CNBD1: variants seen among roughly 807,000 people sequenced by gnomAD.
CNBD1 encodes cyclic nucleotide-binding domain-containing protein 1.
In CNBD1, 71 loss-of-function variants were observed where a neutral mutation model predicts 54.4. The observed-to-expected ratio is 1.30, with a 90% confidence interval of 1.08 to 1.59. The LOEUF (loss-of-function observed/expected upper bound fraction) is 1.59. CNBD1 is among the 40% of genes most tolerant of loss of function. The probability of loss-of-function intolerance (pLI) is 0.00; values close to 1 mark genes in which losing one functional copy is unlikely to be tolerated. For synonymous variants in CNBD1, 182 were observed against 170.7 expected (o/e 1.07, Z -0.51); for missense variants, 659 against 518.0 (o/e 1.27, Z -2.64).
chr8:87,273,515 A>C (rs1236452575), intron 6 of CNBD1, among the ~76,000 whole-genome samples: 2 of 151,982 alleles, frequency 1.3e-5, no homozygotes, highest in African/African-American at 4.8e-5. Flanking sequence ...TCCACTTGAG[A>C]TTCAATTCAT....
intron 4 of CNBD1, among the ~76,000 whole-genome samples, chr8:87,037,506 A>G (rs1015029235): frequency 5.3e-5 from 8 of 152,070 alleles, no homozygotes; most frequent in African/African-American, 1.7e-4. Context: ...AATTGATTAT[A>G]TGATTTTTTC....
intron 4 of CNBD1, among the ~76,000 whole-genome samples, chr8:87,017,340 C>G (rs1350795078): frequency 3.3e-5 from 5 of 152,132 alleles, no homozygotes; most frequent in Non-Finnish European, 7.3e-5. Flanking sequence ...TGTAAATCTG[C>G]TCATGTAAAT....
chr8:87,408,864 A>C (rs1807694192), intron 2 of CNBD1, among the ~76,000 whole-genome samples: 1 of 152,128 alleles, frequency 6.6e-6, no homozygotes, highest in Non-Finnish European at 1.5e-5. Flanking sequence ...CTGCATCCAT[A>C]TAAGACTGCA....
At chr8:87,116,195 C>CTTTTTTTTTTTTT (rs71556428) in intron 4 of CNBD1, among the ~76,000 whole-genome samples, 5 of 74,534 alleles carry the variant, frequency 6.7e-5, no homozygotes, top group Non-Finnish European at 7.2e-5. Flanking sequence ...ATTCTCATGT[C>CTTTTTTTTTTTTT]TTTTTTTTTT....
At chr8:86,957,632 A>G (rs1332946389) in intron 4 of CNBD1, among the ~76,000 whole-genome samples, 1 of 152,164 alleles carries the variant, frequency 6.6e-6, no homozygotes, top group Non-Finnish European at 1.5e-5. Context: ...TGTTTATAGT[A>G]TTCTCTGATG....
intron 8 of CNBD1, among the ~76,000 whole-genome samples, chr8:87,330,557 G>A (rs959455422): frequency 5.9e-5 from 9 of 151,890 alleles, no homozygotes; most frequent in Non-Finnish European, 8.8e-5. Flanking sequence ...GTTGTTTAGC[G>A]GTGTGTTGTT....
At chr8:87,297,842 C>A (rs898648038) in intron 8 of CNBD1, among the ~76,000 whole-genome samples, 1 of 151,830 alleles carries the variant, frequency 6.6e-6, no homozygotes, top group Non-Finnish European at 1.5e-5. Context: ...TATCTTAGAT[C>A]TTAATCTTTA....
intron 6 of CNBD1, among the ~76,000 whole-genome samples, chr8:87,257,816 A>T (rs1283955849): frequency 6.6e-6 from 1 of 152,156 alleles, no homozygotes; most frequent in African/African-American, 2.4e-5. Flanking sequence ...TTTAACATGA[A>T]TATCTGGAAA....
Position 87,085,224 on chromosome 8 carries a change from T to C in CNBD1, c.432-120769T>C, listed in dbSNP as rs561892368. 1.1e-4 allele frequency among the ~76,000 whole-genome samples: 16 copies of C among 152,318 alleles called. No homozygotes were observed. In the South Asian group the frequency reaches 3.3e-3, roughly 32 times the overall value. On this transcript the variant is annotated intron_variant, in intron 4 of 10. Transcript: ENST00000518476. The stretch of plus-strand genomic sequence containing the variant: ...AAGGCATTCTTCTTATCTGTTACCA[T>C]GCTTTTTATTTCTATAATCACTGCA...
chr8:87,334,940 G>A (rs1243708576), intron 8 of CNBD1, among the ~76,000 whole-genome samples: 1 of 151,750 alleles, frequency 6.6e-6, no homozygotes, highest in Non-Finnish European at 1.5e-5. Context: ...TGGCCAGGAT[G>A]GTCTCAGTCT....
intron 4 of CNBD1, among the ~76,000 whole-genome samples, chr8:86,958,404 G>T (rs990579851): frequency 2.0e-5 from 3 of 152,070 alleles, no homozygotes; most frequent in Admixed American, 6.6e-5. Context: ...CTGTCTTGTT[G>T]TCTGTTTAAT....
At position 87,418,976 on chromosome 8, in the gene CNBD1, A is replaced by G. The variant is rs115110141; in HGVS notation, c.214-9570A>G. ...GTATACACTAAAGAGAATTGAAAAC[A>G]TATGTCTGCACAAAAACTTTTACAT... On this transcript the variant is annotated intron_variant, in intron 2 of 7. Coordinates refer to the CNBD1 transcript ENST00000521593. 7.2e-3 allele frequency among the ~76,000 whole-genome samples: 1,093 copies of G among 152,054 alleles called. 12 individuals are homozygous for G. The highest frequency in any genetic ancestry group is 0.025 in the African/African-American group (1,030 of 41,530).
chr8:87,158,684 C>T (rs964545390), intron 4 of CNBD1, among the ~76,000 whole-genome samples: 20 of 152,088 alleles, frequency 1.3e-4, no homozygotes, highest in Non-Finnish European at 1.5e-5. Context: ...TGTCTGTGGT[C>T]TTACAGCAAA....
chr8:87,145,019 C>T (rs1452071055), intron 4 of CNBD1, among the ~76,000 whole-genome samples: 1 of 151,822 alleles, frequency 6.6e-6, no homozygotes, highest in Non-Finnish European at 1.5e-5. Context: ...TTCTAGAGGA[C>T]AGAATAAAGA....
chr8:86,963,849 A>G (rs565564649), intron 4 of CNBD1, among the ~76,000 whole-genome samples: 1 of 152,264 alleles, frequency 6.6e-6, no homozygotes, highest in South Asian at 2.1e-4. Flanking sequence ...GAACCCTGGG[A>G]CCAGTCAGTC....
At chr8:87,088,649 T>C (rs1811148134) in intron 4 of CNBD1, among the ~76,000 whole-genome samples, 1 of 152,148 alleles carries the variant, frequency 6.6e-6, no homozygotes, top group South Asian at 2.1e-4. Context: ...ATCTAAATTT[T>C]GACATTGGTT....
intron 4 of CNBD1, among the ~76,000 whole-genome samples, chr8:87,090,375 T>A (rs1485852525): frequency 6.6e-6 from 1 of 152,192 alleles, no homozygotes; most frequent in Non-Finnish European, 1.5e-5. Flanking sequence ...GACTTAATAG[T>A]ACAGTGTTCA....
intron 4 of CNBD1, among the ~76,000 whole-genome samples, chr8:87,150,214 A>G (rs1200904656): frequency 1.3e-5 from 2 of 152,042 alleles, no homozygotes; most frequent in African/African-American, 4.8e-5. Flanking sequence ...ATCAGGTAGA[A>G]AACAGCTTTG....
At chr8:87,066,517 G>T (rs971512572) in intron 4 of CNBD1, among the ~76,000 whole-genome samples, 5 of 151,846 alleles carry the variant, frequency 3.3e-5, no homozygotes, top group African/African-American at 1.2e-4. Flanking sequence ...GAACACTTTG[G>T]AGATTTGGAT....
Sources: gnomAD v4.1 joint callset for allele counts (sites outside exome capture counted in the v4.1 genomes callset) on GRCh38, gnomAD v4.1.1 for gene constraint, MANE v1.5 for transcripts, NCBI Gene and HGNC (gene_info 2026-07-23, HGNC 2026-07-21) for gene names.